Variants in SCAPER observed in about 807,000 individuals in gnomAD.
SCAPER encodes S phase cyclin A-associated protein in the endoplasmic reticulum.
SCAPER carries 98 observed loss-of-function variants against 182.2 expected under a neutral mutation model. The ratio of observed to expected loss-of-function variants is 0.54; its 90% confidence interval spans 0.46 to 0.64. The LOEUF (loss-of-function observed/expected upper bound fraction) is 0.64, where lower values mean the gene tolerates loss of function less well. Ranked by LOEUF, SCAPER falls within the 30% of genes least tolerant of loss-of-function variation. SCAPER has a pLI of 0.00. For missense variants in SCAPER, 1,432 were observed against 1,690.0 expected, an observed-to-expected ratio of 0.85 and a Z score of 2.68; for synonymous variants, 605 against 564.6, an observed-to-expected ratio of 1.07 and a Z score of -1.01.
chr15:76,400,657 C>T (rs1282577145), intron 27 of SCAPER, among the ~76,000 whole-genome samples: 1 of 152,158 alleles, frequency 6.6e-6, no homozygotes, highest in African/African-American at 2.4e-5. Flanking sequence ...GTAGCTTACA[C>T]TGATACTGCA....
At chr15:76,588,099 T>G (rs553628468) in intron 22 of SCAPER, among the ~76,000 whole-genome samples, 13 of 152,122 alleles carry the variant, frequency 8.5e-5, no homozygotes, top group Non-Finnish European at 1.6e-4. Flanking sequence ...TTTTTTGTAT[T>G]TTTTAGTAGA....
chr15:76,699,500 C>G (rs1002158289), intron 20 of SCAPER, among the ~76,000 whole-genome samples: 2 of 152,158 alleles, frequency 1.3e-5, no homozygotes, highest in Admixed American at 6.5e-5. Flanking sequence ...TTCGAAATTG[C>G]TGTCCTTTGG....
intron 22 of SCAPER, among the ~76,000 whole-genome samples, chr15:76,605,940 T>C (rs1296056633): frequency 5.3e-5 from 8 of 152,240 alleles, no homozygotes; most frequent in African/African-American, 1.9e-4. Context: ...GCTAGCGGTC[T>C]ATCAATTTTG....
intron 8 of SCAPER, among the ~76,000 whole-genome samples, chr15:76,790,267 T>G (rs573904863): frequency 1.3e-5 from 2 of 152,018 alleles, no homozygotes; most frequent in South Asian, 4.2e-4. Context: ...GTTCAAGAGA[T>G]AATGTTTTAA....
At position 76,348,739 on chromosome 15, in the gene SCAPER, G is replaced by T; in HGVS notation, c.4100-3C>A. 1 of 1,497,640 alleles carries T rather than the reference G, an allele frequency of 6.7e-7. No individual in the cohort carries two copies. The highest frequency in any genetic ancestry group is 9.0e-7 in the Non-Finnish European group (1 of 1,115,982). The allele number at this position is 1,497,640 out of a possible 1,614,324, so 92.8% of individuals were successfully genotyped here. On this transcript the variant is annotated splice_polypyrimidine_tract_variant and splice_region_variant and intron_variant, in intron 31 of 31. Coordinates refer to ENST00000563290, the MANE Select transcript of SCAPER (RefSeq NM_020843.4). ...GTCTTGGGAACCAAGGCATTTCCCT[G>T]AGAGGGGGATAAAAGAGAAAAAAGT...
At chr15:76,391,658 A>C (rs1201740639) in intron 27 of SCAPER, among the ~76,000 whole-genome samples, 1 of 152,232 alleles carries the variant, frequency 6.6e-6, no homozygotes, top group Non-Finnish European at 1.5e-5. Flanking sequence ...ACATAGGCCA[A>C]TGATCGTTCA....
At chr15:76,818,955 G>A (rs371749254) in intron 5 of SCAPER, among the ~76,000 whole-genome samples, 86 of 152,358 alleles carry the variant, frequency 5.6e-4, no homozygotes, top group African/African-American at 1.4e-3. Context: ...CACATGGCTC[G>A]GAGGGTCCTA....
chr15:76,445,045 T>C (rs2047900099), intron 25 of SCAPER, among the ~76,000 whole-genome samples: 2 of 152,186 alleles, frequency 1.3e-5, no homozygotes, highest in Non-Finnish European at 1.5e-5. Context: ...ATGAACTGTA[T>C]AGTGGTGAAG....
At chr15:76,643,622 T>C (rs976062890) in intron 21 of SCAPER, among the ~76,000 whole-genome samples, 3 of 152,070 alleles carry the variant, frequency 2.0e-5, no homozygotes, top group African/African-American at 7.2e-5. Flanking sequence ...GCAGAGGTTG[T>C]AGTGAGCTGA....
chr15:76,531,731 G>T (rs549696724), intron 23 of SCAPER, among the ~76,000 whole-genome samples: 4 of 152,236 alleles, frequency 2.6e-5, no homozygotes, highest in Non-Finnish European at 5.9e-5. Context: ...ATTGCCCAGA[G>T]ATATTTTATT....
At chr15:76,464,858 A>G (rs1207916173) in intron 25 of SCAPER, among the ~76,000 whole-genome samples, 3 of 152,170 alleles carry the variant, frequency 2.0e-5, no homozygotes, top group African/African-American at 7.2e-5. Context: ...CCAAAAGTGC[A>G]CAACATTTCC....
chr15:76,819,180 A>C (rs1220045787), intron 5 of SCAPER, among the ~76,000 whole-genome samples: 2 of 152,232 alleles, frequency 1.3e-5, no homozygotes, highest in Non-Finnish European at 2.9e-5. Context: ...GACAAACAAA[A>C]AGCAGCAGTA....
chr15:76,616,739 G>C (rs2051526957), intron 22 of SCAPER, among the ~76,000 whole-genome samples: 1 of 151,964 alleles, frequency 6.6e-6, no homozygotes, highest in South Asian at 2.1e-4. Flanking sequence ...TTTCCTTGTT[G>C]ATATATATAG....
chr15:76,391,374 C>T (rs2043684434), intron 27 of SCAPER, among the ~76,000 whole-genome samples: 2 of 152,148 alleles, frequency 1.3e-5, no homozygotes, highest in South Asian at 2.1e-4. Context: ...GTTTTTTCCC[C>T]ATTAGACTGT....
intron 23 of SCAPER, among the ~76,000 whole-genome samples, chr15:76,537,299 G>C (rs1057196967): frequency 2.0e-4 from 31 of 151,848 alleles, no homozygotes; most frequent in African/African-American, 7.0e-4. Context: ...GAGGCATCAC[G>C]CTACCTGACT....
intron 23 of SCAPER, among the ~76,000 whole-genome samples, chr15:76,563,435 C>T (rs1040649090): frequency 6.6e-6 from 1 of 152,136 alleles, no homozygotes; most frequent in African/African-American, 2.4e-5. Flanking sequence ...TGGATAAATT[C>T]CTGGACACAT....
At chr15:76,457,847 G>GT (rs1453964198) in intron 25 of SCAPER, among the ~76,000 whole-genome samples, 1 of 151,972 alleles carries the variant, frequency 6.6e-6, no homozygotes, top group Non-Finnish European at 1.5e-5. Context: ...TAAATACAGA[G>GT]TCTGTTTCCA....
intron 5 of SCAPER, among the ~76,000 whole-genome samples, chr15:76,824,412 A>G (rs2067825918): frequency 6.6e-6 from 1 of 152,178 alleles, no homozygotes; most frequent in African/African-American, 2.4e-5. Flanking sequence ...GGCCCACGAC[A>G]TCAATACAGC....
At chr15:76,636,631 A>G (rs550806790) in intron 21 of SCAPER, among the ~76,000 whole-genome samples, 1 of 152,148 alleles carries the variant, frequency 6.6e-6, no homozygotes, top group Non-Finnish European at 1.5e-5. Context: ...CTAAAAGTAG[A>G]TATCTGTACC....
Sources: gnomAD v4.1 joint callset for allele counts (sites outside exome capture counted in the v4.1 genomes callset) on GRCh38, gnomAD v4.1.1 for gene constraint, MANE v1.5 for transcripts, NCBI Gene and HGNC (gene_info 2026-07-23, HGNC 2026-07-21) for gene names.